The following RPRD2 variants were observed in gnomAD, a reference collection of about 807,000 sequenced individuals.
RPRD2 encodes regulation of nuclear pre-mRNA domain-containing protein 2.
A neutral mutation model predicts 104.4 loss-of-function variants in RPRD2; 12 were observed. That is an observed-to-expected ratio of 0.11 (90% confidence interval 0.07 to 0.19). RPRD2 has a LOEUF of 0.19. RPRD2 is among the 10% of genes least tolerant of loss of function. The pLI is 1.00. For missense variants in RPRD2, 1,543 were observed against 1,790.1 expected (o/e 0.86, Z 2.49); for synonymous variants, 714 against 684.9 (o/e 1.04, Z -0.66).
At position 150,435,881 on chromosome 1, in the gene RPRD2, AAGTC is replaced by A. The variant is rs587616533; in HGVS notation, c.336-5037_336-5034del. 1.4e-4 allele frequency among the ~76,000 whole-genome samples: 21 copies of A among 152,344 alleles called. No individual in the cohort carries two copies. In the East Asian group the frequency reaches 3.9e-3, roughly 28 times the overall value. ...ATGTAGGACTCTCATAGCTAGAAGG[AAGTC>A]AGTCCTTGCTTCAAAGCACAGGCTG... On this transcript the variant is annotated intron_variant, in intron 2 of 10. Transcript: ENST00000369068.
At chr1:150,379,059 G>T (rs1660929114) in intron 1 of RPRD2, among the ~76,000 whole-genome samples, 1 of 145,524 alleles carries the variant, frequency 6.9e-6, no homozygotes, top group African/African-American at 2.5e-5. Context: ...CGAGCAGACA[G>T]ATCACAAGGT....
intron 2 of RPRD2, among the ~76,000 whole-genome samples, chr1:150,437,693 C>T (rs1666101055): frequency 6.6e-6 from 1 of 152,032 alleles, no homozygotes; most frequent in Non-Finnish European, 1.5e-5. Context: ...GATTCCCCCA[C>T]CTCAGCCCTC....
chr1:150,460,463 G>A, intron 9 of RPRD2, 146 bp downstream of exon 9: 1 of 834,782 alleles, frequency 1.2e-6, no homozygotes, highest in Non-Finnish European at 1.8e-6. Flanking sequence ...GAGTGCAGTG[G>A]TGCAATCTTG....
At chr1:150,389,297 G>A (rs907686332) in intron 1 of RPRD2, among the ~76,000 whole-genome samples, 3 of 152,132 alleles carry the variant, frequency 2.0e-5, no homozygotes, top group Admixed American at 6.5e-5. Flanking sequence ...CGATCTGCCT[G>A]CCTCGGCCTC....
intron 10 of RPRD2, among the ~76,000 whole-genome samples, chr1:150,466,258 G>A (rs918156229): frequency 2.0e-5 from 3 of 151,290 alleles, no homozygotes; most frequent in Admixed American, 1.3e-4. Flanking sequence ...GGCACCTGTA[G>A]TCTTGGCTAC....
intron 1 of RPRD2, among the ~76,000 whole-genome samples, chr1:150,390,895 G>C (rs181587442): frequency 6.6e-6 from 1 of 152,168 alleles, no homozygotes; most frequent in Admixed American, 6.5e-5. Flanking sequence ...AATATATATA[G>C]GGACCATATG....
chr1:150,472,122 A>G lies in RPRD2; in HGVS notation c.3174A>G (p.Glu1058=), dbSNP rs1175110321. The G allele has an allele frequency of 6.2e-7, 1 of 1,613,836 alleles. No homozygotes were observed. The highest frequency in any genetic ancestry group is 2.2e-5 in the East Asian group (1 of 44,884). Residue 1058 remains glutamate (E), a synonymous_variant, in exon 11 of 11, where the codon GAA becomes GAG. Coordinates refer to ENST00000369068, the MANE Select transcript of RPRD2 (RefSeq NM_015203.5). ...SLTATDQQQQ[E]EHYRIETRVS... The stretch of plus-strand genomic sequence containing the variant: ...CCGCCACTGATCAGCAGCAACAAGA[A>G]GAGCACTACCGCATAGAAACCCGCG...
At chr1:150,368,031 A>T (rs375363668) in intron 1 of RPRD2, among the ~76,000 whole-genome samples, 1 of 152,036 alleles carries the variant, frequency 6.6e-6, no homozygotes, top group Non-Finnish European at 1.5e-5. Flanking sequence ...CCCTGCAGTG[A>T]TATCCCATTG....
intron 2 of RPRD2, among the ~76,000 whole-genome samples, chr1:150,417,956 CCTTT>C (rs1259769045): frequency 1.4e-5 from 2 of 144,346 alleles, no homozygotes; most frequent in Non-Finnish European, 3.1e-5. Context: ...TCCTTTCCTT[CCTTT>C]CTTTTCTTTC....
intron 1 of RPRD2, among the ~76,000 whole-genome samples, chr1:150,380,723 C>T (rs1410533741): frequency 6.6e-6 from 1 of 151,726 alleles, no homozygotes; most frequent in African/African-American, 2.4e-5. Context: ...GGCGTGCTGT[C>T]GGCTCACTGC....
In RPRD2 at chr1:150,364,287, A is replaced by G. The variant is rs1191927157; in HGVS notation, c.-428A>G. ...GCAGTCGGGTAGTATTACATTTAAG[A>G]TATTAACGCCCGACCTGGCTCACAG... is the stretch of plus-strand genomic sequence containing the variant. On this transcript the variant is annotated 5_prime_UTR_variant, in exon 1 of 11. Coordinates refer to ENST00000369068, the MANE Select transcript of RPRD2 (RefSeq NM_015203.5). 6.6e-6 allele frequency among the ~76,000 whole-genome samples: 1 copy of G among 152,076 alleles called. No individual in the cohort carries two copies. The highest frequency in any genetic ancestry group is 2.4e-5 in the African/African-American group (1 of 41,422).
chr1:150,454,014 T>C (rs1667362053), intron 7 of RPRD2, among the ~76,000 whole-genome samples: 2 of 152,184 alleles, frequency 1.3e-5, no homozygotes, highest in South Asian at 2.1e-4. Context: ...CTAAGCCCCC[T>C]TCTCCATGGC....
At chr1:150,463,232 A>G (rs1253618067) in intron 9 of RPRD2, among the ~76,000 whole-genome samples, 1 of 152,198 alleles carries the variant, frequency 6.6e-6, no homozygotes, top group Non-Finnish European at 1.5e-5. Context: ...CAAATGCAGG[A>G]GGATCACTTG....
chr1:150,449,558 C>G (rs587711804), intron 7 of RPRD2, among the ~76,000 whole-genome samples: 1 of 152,056 alleles, frequency 6.6e-6, no homozygotes, highest in African/African-American at 2.4e-5. Flanking sequence ...CATCCCTCTT[C>G]CTCCCTCCTT....
chr1:150,463,545 CACTT>C (rs1416586640), intron 9 of RPRD2, among the ~76,000 whole-genome samples: 1 of 152,092 alleles, frequency 6.6e-6, no homozygotes, highest in Non-Finnish European at 1.5e-5. Flanking sequence ...CTTTGCTTCT[CACTT>C]AAGTTTCTTT....
At position 150,387,566 on chromosome 1, in the gene RPRD2, C is replaced by CTTTTTTTTTTTTTTTTTTTTT. The variant is rs1661661325; in HGVS notation, c.205+22647_205+22648insTTTTTTTTTTTTTTTTTTTTT. Among the ~76,000 whole-genome samples, 3 of 70,116 alleles carry CTTTTTTTTTTTTTTTTTTTTT rather than the reference C, an allele frequency of 4.3e-5. 1 individual carries two copies. The highest frequency in any genetic ancestry group is 2.9e-5 in the Non-Finnish European group (1 of 34,170). 46.0% of individuals were successfully genotyped at this position (70,116 alleles called of 152,430 possible). ...TAAATCTTACAGAAGTTGCAACAGA[C>CTTTTTTTTTTTTTTTTTTTTT]CTTTTTTTTTTTTTTTTTTTTTTTT... is the stretch of plus-strand genomic sequence containing the variant. On this transcript the variant is annotated intron_variant, in intron 1 of 10. Transcript: ENST00000369068.
Position 150,473,228 on chromosome 1 carries a change from TTCTCAG to T in RPRD2, c.4281_4286del (p.Leu1428_Ser1429del). ...CCAGACTTTCGGCCTAGGGAACCTT[TTCTCAG>T]CAGAGACCCATTTCACAGTTTAAAG... On this transcript the variant is annotated inframe_deletion, in exon 11 of 11. Transcript: ENST00000369068. 6.2e-7 allele frequency: 1 copy of T among 1,613,960 alleles called. No individual in the cohort carries two copies. Among genetic ancestry groups the T allele is most frequent in the Non-Finnish European group, 8.5e-7 (1 of 1,179,868 alleles).
chr1:150,393,907 G>C (rs978986232), intron 1 of RPRD2, among the ~76,000 whole-genome samples: 1 of 151,628 alleles, frequency 6.6e-6, no homozygotes, highest in African/African-American at 2.4e-5. Flanking sequence ...TTCTTGGAGT[G>C]AAAAAAACAA....
chr1:150,411,393 G>T (rs1195090994), intron 1 of RPRD2, among the ~76,000 whole-genome samples: 1 of 145,186 alleles, frequency 6.9e-6, no homozygotes, highest in South Asian at 2.1e-4. Context: ...CCTGGGAGGC[G>T]GAGGTTGCAG....
Sources: gnomAD v4.1 joint callset for allele counts (sites outside exome capture counted in the v4.1 genomes callset) on GRCh38, gnomAD v4.1.1 for gene constraint, MANE v1.5 for transcripts, NCBI Gene and HGNC (gene_info 2026-07-23, HGNC 2026-07-21) for gene names.